Variants in ZNF423 observed in about 807,000 individuals in gnomAD.
ZNF423 encodes the protein Ebf-associated zinc finger protein.
In ZNF423, 12 loss-of-function variants were observed where a neutral mutation model predicts 95.8. That is an observed-to-expected ratio of 0.13 (90% CI 0.08 to 0.20). ZNF423 has a LOEUF of 0.20. ZNF423 is among the 10% of genes least tolerant of loss of function. The pLI, the probability that ZNF423 is intolerant of heterozygous loss-of-function variation, is 1.00. For missense variants in ZNF423, 1,316 were observed against 1,737.1 expected (o/e 0.76, Z 4.31); for synonymous variants, 749 against 711.9 (o/e 1.05, Z -0.83).
chr16:49,795,622 G>A (rs1378146051), intron 1 of ZNF423, among the ~76,000 whole-genome samples: 1 of 152,180 alleles, frequency 6.6e-6, no homozygotes, highest in Non-Finnish European at 1.5e-5. Context: ...GCCCTGCGAG[G>A]AGCTCCTGCT....
At chr16:49,774,238 C>T (rs1368621615) in intron 2 of ZNF423, among the ~76,000 whole-genome samples, 2 of 152,182 alleles carry the variant, frequency 1.3e-5, no homozygotes, top group African/African-American at 4.8e-5. Context: ...GGCATTTCCT[C>T]CCCTTCCAGC....
At chr16:49,660,146 C>T (rs2030128839) in intron 3 of ZNF423, among the ~76,000 whole-genome samples, 2 of 152,198 alleles carry the variant, frequency 1.3e-5, no homozygotes, top group Admixed American at 1.3e-4. Flanking sequence ...GCCCTGGATT[C>T]CTGGATCCCT....
chr16:49,658,547 T>C (rs1295924689), intron 3 of ZNF423, among the ~76,000 whole-genome samples: 5 of 152,186 alleles, frequency 3.3e-5, no homozygotes, highest in Non-Finnish European at 7.4e-5. Context: ...TTGAGCCTCA[T>C]GGCTGAAGGC....
At chr16:49,646,468 A>G (rs1973170690) in intron 3 of ZNF423, among the ~76,000 whole-genome samples, 1 of 152,158 alleles carries the variant, frequency 6.6e-6, no homozygotes, top group African/African-American at 2.4e-5. Context: ...GAGAGGGTGC[A>G]TAGCTCCTCC....
At chr16:49,572,275 G>A (rs1970376495) in intron 5 of ZNF423, among the ~76,000 whole-genome samples, 1 of 152,122 alleles carries the variant, frequency 6.6e-6, no homozygotes, top group Non-Finnish European at 1.5e-5. Context: ...CCATCCCAGT[G>A]GGACACAAGG....
chr16:49,715,450 G>A (rs941308755), intron 3 of ZNF423, among the ~76,000 whole-genome samples: 3 of 152,226 alleles, frequency 2.0e-5, no homozygotes, highest in Admixed American at 2.0e-4. Context: ...GGCTCAAGAG[G>A]AGGAACTGAG....
intron 5 of ZNF423, among the ~76,000 whole-genome samples, chr16:49,592,858 T>G (rs1971052605): frequency 6.6e-6 from 1 of 152,226 alleles, no homozygotes; most frequent in African/African-American, 2.4e-5. Context: ...GTCTTCACTC[T>G]GCGATGCCCA....
At chr16:49,571,856 A>G (rs1970366401) in intron 5 of ZNF423, among the ~76,000 whole-genome samples, 1 of 152,204 alleles carries the variant, frequency 6.6e-6, no homozygotes, top group Non-Finnish European at 1.5e-5. Context: ...GCAGAGGGCA[A>G]GTTGGGTTTT....
intron 3 of ZNF423, among the ~76,000 whole-genome samples, chr16:49,674,419 C>T (rs1207475263): frequency 1.3e-5 from 2 of 152,026 alleles, no homozygotes; most frequent in African/African-American, 4.8e-5. Flanking sequence ...GTGCTGCAGC[C>T]GATGTGTACA....
chr16:49,495,040 A>G (rs1041600582), intron 7 of ZNF423, among the ~76,000 whole-genome samples: 2 of 152,184 alleles, frequency 1.3e-5, no homozygotes, highest in African/African-American at 2.4e-5. Context: ...CCACCACCAT[A>G]AAGGCTGGGG....
At chr16:49,652,647 A>C (rs12444011) in intron 3 of ZNF423, among the ~76,000 whole-genome samples, 93,090 of 152,144 alleles carry the variant, frequency 0.61, 28,733 homozygotes, top group Non-Finnish European at 0.65. Flanking sequence ...CAAGGGCCTG[A>C]GCAAAGGGCG....
chr16:49,657,011 C>T (rs1384635932), intron 3 of ZNF423, among the ~76,000 whole-genome samples: 1 of 152,178 alleles, frequency 6.6e-6, no homozygotes, highest in African/African-American at 2.4e-5. Flanking sequence ...AGTTTATGAA[C>T]CACCATGTCC....
At chr16:49,579,216 C>A (rs1392235225) in intron 5 of ZNF423, among the ~76,000 whole-genome samples, 1 of 149,436 alleles carries the variant, frequency 6.7e-6, no homozygotes, top group Admixed American at 6.7e-5. Context: ...TCCCTGCCCC[C>A]CCACCCCCAC....
At chr16:49,813,320 T>C (rs897041922) in intron 1 of ZNF423, among the ~76,000 whole-genome samples, 2 of 152,012 alleles carry the variant, frequency 1.3e-5, no homozygotes, top group Non-Finnish European at 2.9e-5. Context: ...GCCAGAGCCT[T>C]CTGAGGTGGC....
intron 3 of ZNF423, among the ~76,000 whole-genome samples, chr16:49,639,629 C>G (rs1018427437): frequency 2.0e-5 from 3 of 152,158 alleles, no homozygotes; most frequent in African/African-American, 7.2e-5. Flanking sequence ...GCCCCAACCC[C>G]ACCCAGGATC....
chr16:49,745,639 G>A (rs2143527901), intron 2 of ZNF423, among the ~76,000 whole-genome samples: 1 of 152,324 alleles, frequency 6.6e-6, no homozygotes, highest in South Asian at 2.1e-4. Flanking sequence ...TTCGCAGCGT[G>A]GTGCAATTAC....
chr16:49,507,746 C>T (rs1345844844), intron 7 of ZNF423, among the ~76,000 whole-genome samples: 1 of 152,214 alleles, frequency 6.6e-6, no homozygotes, highest in African/African-American at 2.4e-5. Flanking sequence ...TTTCTAGTGG[C>T]CCCTAGAATG....
intron 5 of ZNF423, among the ~76,000 whole-genome samples, chr16:49,578,558 C>T (rs552240360): frequency 3.9e-5 from 6 of 152,316 alleles, no homozygotes; most frequent in African/African-American, 1.4e-4. Flanking sequence ...CTCTATTTCC[C>T]AGCCCCCTCG....
chr16:49,544,682 G>C (rs1050233196), intron 5 of ZNF423, among the ~76,000 whole-genome samples: 1 of 152,258 alleles, frequency 6.6e-6, no homozygotes, highest in Admixed American at 6.5e-5. Flanking sequence ...TTCCAGGGGA[G>C]GGTGCTTGCA....
Sources: gnomAD v4.1 joint callset for allele counts (sites outside exome capture counted in the v4.1 genomes callset) on GRCh38, gnomAD v4.1.1 for gene constraint, MANE v1.5 for transcripts, NCBI Gene and HGNC (gene_info 2026-07-23, HGNC 2026-07-21) for gene names.